The following CSMD1 variants were observed in gnomAD, a reference collection of about 807,000 sequenced individuals.
CSMD1 encodes the protein CUB and Sushi multiple domains 1.
Under a neutral mutation model 417.5 loss-of-function variants are expected in CSMD1, and 213 were observed. That is an observed-to-expected ratio of 0.51 (90% CI 0.46 to 0.57). CSMD1 has a LOEUF of 0.57. CSMD1 is among the 20% of genes least tolerant of loss of function. CSMD1 has a pLI of 0.00. For synonymous variants in CSMD1, 2,862 were observed against 1,736.8 expected (o/e 1.65, Z -16.11); for missense variants, 6,923 against 4,529.7 (o/e 1.53, Z -15.17).
At chr8:4,561,596 C>T (rs994147094) in intron 2 of CSMD1, among the ~76,000 whole-genome samples, 1 of 152,096 alleles carries the variant, frequency 6.6e-6, no homozygotes, top group Non-Finnish European at 1.5e-5. Context: ...GTGGGAGGAT[C>T]CCTTGAGCCC....
chr8:3,092,159 T>G (rs1006930316), intron 47 of CSMD1, among the ~76,000 whole-genome samples: 1 of 152,154 alleles, frequency 6.6e-6, no homozygotes, highest in Non-Finnish European at 1.5e-5. Context: ...CTAACACTAT[T>G]TCTCATGGCA....
rs1182513186 is a variant in CSMD1 at position 4,915,959 on chromosome 8, C to A, written c.85+78373G>T. ...GCAAGTGGCATCTCTTCCACAGGAACATCTTCTCTTCCGCTAGTTCCCATC... is the reference window on the plus strand; with the variant it reads ...GCAAGTGGCATCTCTTCCACAGGAAAATCTTCTCTTCCGCTAGTTCCCATC... On this transcript the variant is annotated intron_variant, in intron 1 of 69. Transcript: ENST00000635120. 3.5e-4 allele frequency among the ~76,000 whole-genome samples: 53 copies of A among 152,168 alleles called. 1 individual carries two copies. The highest frequency in any genetic ancestry group is 3.5e-3 in the Admixed American group (53 of 15,274).
At chr8:3,383,234 G>T (rs1304116342) in intron 18 of CSMD1, among the ~76,000 whole-genome samples, 1 of 152,146 alleles carries the variant, frequency 6.6e-6, no homozygotes, top group Non-Finnish European at 1.5e-5. Context: ...ATCACAAATC[G>T]CATCAAATTG....
intron 3 of CSMD1, among the ~76,000 whole-genome samples, chr8:4,131,481 A>G (rs999205971): frequency 5.9e-5 from 9 of 152,190 alleles, no homozygotes; most frequent in African/African-American, 1.9e-4. Context: ...AAAGTTTGAA[A>G]CCAAATATTT....
At chr8:4,605,759 T>C (rs746588144) in intron 2 of CSMD1, among the ~76,000 whole-genome samples, 5 of 152,178 alleles carry the variant, frequency 3.3e-5, no homozygotes, top group Non-Finnish European at 5.9e-5. Context: ...TGGGAATCAA[T>C]TTACGCTGCC....
At chr8:3,121,626 T>C (rs1817210405) in intron 41 of CSMD1, among the ~76,000 whole-genome samples, 1 of 152,088 alleles carries the variant, frequency 6.6e-6, no homozygotes, top group Non-Finnish European at 1.5e-5. Context: ...CATCACCTCT[T>C]TTACCTACTA....
intron 26 of CSMD1, among the ~76,000 whole-genome samples, chr8:3,272,002 G>C (rs1235069381): frequency 1.3e-5 from 2 of 151,920 alleles, no homozygotes; most frequent in African/African-American, 4.8e-5. Flanking sequence ...TGCAGTCCTT[G>C]CCCATGCCTA....
chr8:3,843,712 T>G lies in CSMD1; in HGVS notation c.819-89670A>C, dbSNP rs1037800753. ...CAGTGGGTGGAACACAGACCTAGTT[T>G]GAGCACTGAAAGGAGGTGGCTGGTC... On this transcript the variant is annotated intron_variant, in intron 5 of 69. Transcript: ENST00000635120. Among the ~76,000 whole-genome samples, 8 of 152,170 alleles carry G rather than the reference T, an allele frequency of 5.3e-5. No homozygotes were observed. In the South Asian group the frequency reaches 6.2e-4, roughly 12 times the overall value.
chr8:3,890,287 T>C (rs950131279), intron 5 of CSMD1, among the ~76,000 whole-genome samples: 1 of 152,134 alleles, frequency 6.6e-6, no homozygotes, highest in Non-Finnish European at 1.5e-5. Flanking sequence ...TGGGTTTTGA[T>C]TTACTTGAAA....
At chr8:4,332,602 CACACA>C (rs1799933042) in intron 3 of CSMD1, among the ~76,000 whole-genome samples, 2 of 127,634 alleles carry the variant, frequency 1.6e-5, no homozygotes, top group Admixed American at 1.5e-4. Context: ...CACACACACA[CACACA>C]GAGTCATATG....
At chr8:4,828,860 A>G (rs1432171931) in intron 1 of CSMD1, among the ~76,000 whole-genome samples, 1 of 152,166 alleles carries the variant, frequency 6.6e-6, no homozygotes, top group African/African-American at 2.4e-5. Context: ...CAGAACCTTC[A>G]TCAGAATAAT....
chr8:4,279,351 G>A (rs764956259), intron 3 of CSMD1, among the ~76,000 whole-genome samples: 6 of 152,282 alleles, frequency 3.9e-5, no homozygotes, highest in East Asian at 1.9e-4. Context: ...GATACAGGTG[G>A]CAAACGGACA....
At chr8:4,465,996 A>G (rs545796795) in intron 2 of CSMD1, among the ~76,000 whole-genome samples, 6 of 152,222 alleles carry the variant, frequency 3.9e-5, no homozygotes, top group African/African-American at 1.4e-4. Flanking sequence ...AAAGACTGAG[A>G]CATTAAAGAT....
intron 1 of CSMD1, among the ~76,000 whole-genome samples, chr8:4,667,751 A>T (rs1805029599): frequency 6.6e-6 from 1 of 152,210 alleles, no homozygotes; most frequent in African/African-American, 2.4e-5. Context: ...TTTCAGTAAC[A>T]TTCTTGTATA....
Position 4,703,907 on chromosome 8 carries a change from C to T in CSMD1, c.86-66349G>A, listed in dbSNP as rs541071914. The stretch of plus-strand genomic sequence containing the variant: ...ACGGTTTTGGGATGAAACTGTTCCA[C>T]CTCAGATCATCAGGCATTAGATTCT... On this transcript the variant is annotated intron_variant, in intron 1 of 69. Coordinates refer to ENST00000635120, the MANE Select transcript of CSMD1 (RefSeq NM_033225.6). Among the ~76,000 whole-genome samples the T allele has an allele frequency of 2.1e-4, 32 of 152,234 alleles. No homozygotes were observed. In the South Asian group the frequency reaches 6.0e-3, roughly 29 times the overall value.
chr8:4,559,194 C>G (rs184611480), intron 2 of CSMD1, among the ~76,000 whole-genome samples: 132 of 152,172 alleles, frequency 8.7e-4, no homozygotes, highest in African/African-American at 3.0e-3. Flanking sequence ...CATATGCTGG[C>G]TTTAGTCTCT....
At chr8:4,834,165 A>T (rs1563535089) in intron 1 of CSMD1, among the ~76,000 whole-genome samples, 1 of 152,234 alleles carries the variant, frequency 6.6e-6, no homozygotes, top group Non-Finnish European at 1.5e-5. Flanking sequence ...TAAAACAAGG[A>T]TGTGTTATGT....
chr8:4,940,299 T>C (rs1807909436), intron 1 of CSMD1, among the ~76,000 whole-genome samples: 1 of 152,226 alleles, frequency 6.6e-6, no homozygotes, highest in Admixed American at 6.5e-5. Context: ...AGTAAAATGA[T>C]ATGGCTTCAA....
intron 5 of CSMD1, among the ~76,000 whole-genome samples, chr8:3,811,027 G>C (rs549952810): frequency 4.6e-5 from 7 of 152,200 alleles, no homozygotes; most frequent in African/African-American, 1.7e-4. Flanking sequence ...TGATCACTCC[G>C]TCTTACTGGC....
Sources: gnomAD v4.1 joint callset for allele counts (sites outside exome capture counted in the v4.1 genomes callset) on GRCh38, gnomAD v4.1.1 for gene constraint, MANE v1.5 for transcripts, NCBI Gene and HGNC (gene_info 2026-07-23, HGNC 2026-07-21) for gene names.